The following CCDC6 variants were observed in gnomAD, a reference collection of about 807,000 sequenced individuals.
The protein encoded by CCDC6 is coiled-coil domain containing 6.
CCDC6 carries 20 observed loss-of-function variants against 56.6 expected under a neutral mutation model. That is an observed-to-expected ratio of 0.35 (90% confidence interval 0.25 to 0.51). The LOEUF (loss-of-function observed/expected upper bound fraction) is 0.51. Among genes scored for constraint, CCDC6 ranks in the 20% least tolerant of loss-of-function variants. The pLI, the probability that CCDC6 is intolerant of heterozygous loss-of-function variation, is 0.95. For missense variants in CCDC6, 367 were observed against 601.1 expected (o/e 0.61, Z 4.07); for synonymous variants, 241 against 234.4 (o/e 1.03, Z -0.26).
At position 59,792,057 on chromosome 10, in the gene CCDC6, G is replaced by A. The variant is rs1204364349; in HGVS notation, c.*860C>T. On this transcript the variant is annotated 3_prime_UTR_variant, in exon 9 of 9. Transcript: ENST00000263102. ...GAACACAAATGAAGTACGAAAGGGG[G>A]AAGCCGCATTGTTTTTGTTACAATC... The A allele has an allele frequency of 8.8e-6, 2 of 227,278 alleles. No homozygotes were observed. Among genetic ancestry groups the A allele is most frequent in the African/African-American group, 2.2e-5 (1 of 45,010 alleles). The allele number at this position is 227,278 out of a possible 1,614,324, so 14.1% of individuals were successfully genotyped here. A position where few individuals can be genotyped will look rare whatever the true frequency, so the allele number is the denominator to read the frequency against.
At chr10:59,888,742 C>T (rs538642459) in intron 1 of CCDC6, among the ~76,000 whole-genome samples, 22 of 152,230 alleles carry the variant, frequency 1.4e-4, no homozygotes, top group Admixed American at 3.9e-4. Flanking sequence ...GCAAACTGAA[C>T]CATTTATGGT....
Position 59,807,357 on chromosome 10 carries a change from C to A in CCDC6, c.848-279G>T, listed in dbSNP as rs1311445369. Among the ~76,000 whole-genome samples, 3 of 152,036 alleles carry A rather than the reference C, an allele frequency of 2.0e-5. No homozygotes were observed. In the South Asian group the frequency reaches 6.2e-4, roughly 32 times the overall value. Reference sequence around the variant, plus strand: ...AACATTAGCTGGGCGTGGTGGCAGGCACCTGTAATCCCAGCTATTCGGGAG... The same window carrying A: ...AACATTAGCTGGGCGTGGTGGCAGGAACCTGTAATCCCAGCTATTCGGGAG... On this transcript the variant is annotated intron_variant, in intron 5 of 8. Transcript: ENST00000263102.
In CCDC6 at chr10:59,790,293, GC is replaced by G. The variant is rs1397445167; in HGVS notation, c.*2623del. 4.5e-6 allele frequency: 1 copy of G among 220,572 alleles called. No homozygotes were observed. The highest frequency in any genetic ancestry group is 9.1e-6 in the Non-Finnish European group (1 of 109,816). The allele number at this position is 220,572 out of a possible 1,614,324, so 13.7% of individuals were successfully genotyped here. ...AAGCCCCTGTTGCTCCCACCTGCCT[GC>G]AGGACGGCTACTGATTTTACAAAGG... On this transcript the variant is annotated 3_prime_UTR_variant, in exon 9 of 9. Coordinates refer to ENST00000263102, the MANE Select transcript of CCDC6 (RefSeq NM_005436.5).
Position 59,876,420 on chromosome 10 carries a change from G to A in CCDC6, c.304-23718C>T, listed in dbSNP as rs549800821. ...TGCCTCACTAAATAGATTATTTGCC[G>A]TCACCATTCTGTCACCGTAAAAGTT... On this transcript the variant is annotated intron_variant, in intron 1 of 8. Coordinates refer to ENST00000263102, the MANE Select transcript of CCDC6 (RefSeq NM_005436.5). Among the ~76,000 whole-genome samples, 133 of 151,826 alleles carry A rather than the reference G, an allele frequency of 8.8e-4. No individual in the cohort carries two copies. The South Asian group carries it at 0.01, about 11-fold the overall frequency.
At chr10:59,864,984 C>T (rs2071164835) in intron 1 of CCDC6, among the ~76,000 whole-genome samples, 1 of 152,184 alleles carries the variant, frequency 6.6e-6, no homozygotes, top group African/African-American at 2.4e-5. Context: ...TAACTTAATA[C>T]GCGATCTTCA....
intron 3 of CCDC6, among the ~76,000 whole-genome samples, chr10:59,826,408 G>C (rs2070787968): frequency 6.6e-6 from 1 of 152,076 alleles, no homozygotes; most frequent in African/African-American, 2.4e-5. Context: ...TTAACCAGTG[G>C]GTCTTTTCTC....
Position 59,862,514 on chromosome 10 carries a change from T to TACAC in CCDC6, c.304-9813_304-9812insGTGT, listed in dbSNP as rs1349936378. 3.6e-3 allele frequency among the ~76,000 whole-genome samples: 261 copies of TACAC among 73,010 alleles called. 7 individuals carry two copies. Among genetic ancestry groups the TACAC allele is most frequent in the Middle Eastern group, 0.014 (2 of 142 alleles). 47.9% of individuals were successfully genotyped at this position (73,010 alleles called of 152,430 possible). On this transcript the variant is annotated intron_variant, in intron 1 of 8. Coordinates refer to ENST00000263102, the MANE Select transcript of CCDC6 (RefSeq NM_005436.5). ...AGAAAAAAAAAAGTATATATATATA[T>TACAC]ATACACACACACACACACACACACA...
intron 3 of CCDC6, among the ~76,000 whole-genome samples, chr10:59,826,414 T>C (rs1260804322): frequency 1.3e-5 from 2 of 152,210 alleles, no homozygotes; most frequent in East Asian, 3.9e-4. Context: ...AGTGGGTCTT[T>C]TCTCCTGCAT....
intron 2 of CCDC6, among the ~76,000 whole-genome samples, chr10:59,850,698 ATTTT>A (rs140703802): frequency 1.3e-5 from 2 of 151,536 alleles, no homozygotes; most frequent in African/African-American, 2.4e-5. Context: ...TTAGTCTATG[ATTTT>A]TTTTTCTCTT....
intron 1 of CCDC6, among the ~76,000 whole-genome samples, chr10:59,869,861 A>G (rs915597287): frequency 1.3e-5 from 2 of 152,034 alleles, no homozygotes; most frequent in African/African-American, 4.8e-5. Context: ...ACGACACTCC[A>G]GCCACTCCAG....
At chr10:59,883,098 C>T (rs1312233210) in intron 1 of CCDC6, among the ~76,000 whole-genome samples, 3 of 152,060 alleles carry the variant, frequency 2.0e-5, no homozygotes, top group African/African-American at 7.2e-5. Context: ...CACAGTGAGT[C>T]CCAGGGACTT....
intron 1 of CCDC6, among the ~76,000 whole-genome samples, chr10:59,892,556 A>G (rs1282847233): frequency 6.6e-6 from 1 of 152,338 alleles, no homozygotes; most frequent in South Asian, 2.1e-4. Flanking sequence ...TTTTTCTATC[A>G]TAATCTTATA....
At chr10:59,882,096 G>C (rs28729558) in intron 1 of CCDC6, among the ~76,000 whole-genome samples, 3,427 of 17,592 alleles carry the variant, frequency 0.19, 3 homozygotes, top group East Asian at 0.3. Flanking sequence ...GGAAAGCCGG[G>C]GGGAGAAGGA....
intron 2 of CCDC6, among the ~76,000 whole-genome samples, chr10:59,850,449 C>T (rs1414052160): frequency 6.6e-6 from 1 of 152,184 alleles, no homozygotes; most frequent in Non-Finnish European, 1.5e-5. Context: ...CCAGATTCTA[C>T]AAGTTGAATC....
At chr10:59,884,459 T>C (rs969651128) in intron 1 of CCDC6, among the ~76,000 whole-genome samples, 1 of 152,206 alleles carries the variant, frequency 6.6e-6, no homozygotes, top group African/African-American at 2.4e-5. Context: ...CTAAGACTTG[T>C]TAAAAACATT....
chr10:59,820,872 T>TA (rs2070744813), intron 3 of CCDC6, among the ~76,000 whole-genome samples: 1 of 151,200 alleles, frequency 6.6e-6, no homozygotes, highest in African/African-American at 2.4e-5. Flanking sequence ...TTTTTTTTTT[T>TA]AAATAAGAGG....
intron 1 of CCDC6, among the ~76,000 whole-genome samples, chr10:59,881,280 C>T (rs947708126): frequency 2.0e-5 from 3 of 152,092 alleles, no homozygotes; most frequent in African/African-American, 7.2e-5. Flanking sequence ...GGGCAATCCC[C>T]GAGAAGTGGG....
At chr10:59,868,383 C>A (rs2071195561) in intron 1 of CCDC6, among the ~76,000 whole-genome samples, 6 of 152,280 alleles carry the variant, frequency 3.9e-5, no homozygotes, top group Admixed American at 3.3e-4. Context: ...GATTTTCCTG[C>A]CCAGCCCACC....
chr10:59,810,402 C>G (rs1457298502), intron 5 of CCDC6, among the ~76,000 whole-genome samples: 2 of 152,164 alleles, frequency 1.3e-5, no homozygotes, highest in East Asian at 3.9e-4. Context: ...TCAGACTAAA[C>G]AGTGCAGTAT....
Sources: gnomAD v4.1 joint callset for allele counts (sites outside exome capture counted in the v4.1 genomes callset) on GRCh38, gnomAD v4.1.1 for gene constraint, MANE v1.5 for transcripts, NCBI Gene and HGNC (gene_info 2026-07-23, HGNC 2026-07-21) for gene names.